The following PTPN4 variants were observed in gnomAD, a reference collection of about 807,000 sequenced individuals.
PTPN4 encodes protein tyrosine phosphatase non-receptor type 4, also known as tyrosine-protein phosphatase non-receptor type 4.
In PTPN4, 49 loss-of-function variants were observed where a neutral mutation model predicts 135.5. The observed-to-expected ratio is 0.36, with a 90% CI of 0.29 to 0.46. The LOEUF (loss-of-function observed/expected upper bound fraction) is 0.46, where lower values mean the gene tolerates loss of function less well. Ranked by LOEUF, PTPN4 falls within the 20% of genes least tolerant of loss-of-function variation. The probability of loss-of-function intolerance (pLI) is 1.00; values close to 1 mark genes in which losing one functional copy is unlikely to be tolerated. For synonymous variants in PTPN4, 333 were observed against 369.9 expected (o/e 0.90, Z 1.14); for missense variants, 860 against 1,101.0 (o/e 0.78, Z 3.10).
At chr2:119,866,469 A>G (rs1238696266) in intron 3 of PTPN4, among the ~76,000 whole-genome samples, 2 of 152,074 alleles carry the variant, frequency 1.3e-5, no homozygotes, top group Non-Finnish European at 2.9e-5. Flanking sequence ...TAAAATACAG[A>G]TTTCTGGGAC....
intron 9 of PTPN4, among the ~76,000 whole-genome samples, chr2:119,891,340 T>C (rs1228838403): frequency 6.6e-6 from 1 of 152,216 alleles, no homozygotes; most frequent in East Asian, 1.9e-4. Flanking sequence ...TGTTTGTTTT[T>C]GAGACGGAGT....
intron 1 of PTPN4, among the ~76,000 whole-genome samples, chr2:119,797,688 A>G (rs1234927715): frequency 1.3e-5 from 2 of 152,146 alleles, no homozygotes; most frequent in Non-Finnish European, 2.9e-5. Flanking sequence ...TTTAATCTCT[A>G]TTTATGGCAA....
intron 5 of PTPN4, among the ~76,000 whole-genome samples, chr2:119,878,764 C>T (rs969557942): frequency 6.8e-6 from 1 of 146,794 alleles, no homozygotes; most frequent in African/African-American, 2.5e-5. Context: ...CTAATGCTTG[C>T]AACTATTAGT....
At chr2:119,924,075 TG>T (rs1678778643) in intron 12 of PTPN4, among the ~76,000 whole-genome samples, 1 of 146,662 alleles carries the variant, frequency 6.8e-6, no homozygotes, top group Non-Finnish European at 1.5e-5. Flanking sequence ...AGGCAGAGCT[TG>T]CAGTGAGCCG....
intron 5 of PTPN4, among the ~76,000 whole-genome samples, chr2:119,879,617 C>T (rs952162394): frequency 6.6e-6 from 1 of 152,146 alleles, no homozygotes; most frequent in Non-Finnish European, 1.5e-5. Context: ...CATAGGCATG[C>T]ACAAGTTCCC....
At chr2:119,967,533 G>A (rs1463169695) in intron 25 of PTPN4, among the ~76,000 whole-genome samples, 1 of 151,766 alleles carries the variant, frequency 6.6e-6, no homozygotes, top group African/African-American at 2.4e-5. Flanking sequence ...CTATCATTTT[G>A]CATTTTAAGG....
At chr2:119,963,825 G>A (rs952196251) in intron 24 of PTPN4, among the ~76,000 whole-genome samples, 4 of 152,030 alleles carry the variant, frequency 2.6e-5, no homozygotes, top group Admixed American at 2.6e-4. Context: ...TGAAAGATAG[G>A]CTACGTATGT....
At chr2:119,803,799 T>G (rs567281764) in intron 1 of PTPN4, among the ~76,000 whole-genome samples, 53 of 152,230 alleles carry the variant, frequency 3.5e-4, no homozygotes, top group Admixed American at 7.9e-4. Flanking sequence ...AGTTTGACAG[T>G]TTTGCTTCAT....
chr2:119,804,356 T>C (rs1691428705), intron 1 of PTPN4, among the ~76,000 whole-genome samples: 1 of 152,158 alleles, frequency 6.6e-6, no homozygotes, highest in East Asian at 1.9e-4. Flanking sequence ...GGTATACATG[T>C]GCCATGTTTG....
At chr2:119,924,594 A>G (rs1574406840) in intron 12 of PTPN4, among the ~76,000 whole-genome samples, 1 of 152,180 alleles carries the variant, frequency 6.6e-6, no homozygotes, top group Non-Finnish European at 1.5e-5. Flanking sequence ...TAAGTATCTT[A>G]CTGTGAAAGT....
In PTPN4 at chr2:119,984,364, CTT is replaced by C. The variant is rs1679735103; in HGVS notation, c.*7295_*7296del. Among the ~76,000 whole-genome samples, 1 of 151,962 alleles carries C rather than the reference CTT, an allele frequency of 6.6e-6. No homozygotes were observed. Among genetic ancestry groups the C allele is most frequent in the Non-Finnish European group, 1.5e-5 (1 of 68,008 alleles). On this transcript the variant is annotated 3_prime_UTR_variant, in exon 27 of 27. Coordinates refer to ENST00000263708, the MANE Select transcript of PTPN4 (RefSeq NM_002830.4). ...AAAAGTCACTTAGTTAAAAGTCTAG[CTT>C]ATGTCATAATTAAGATACAATTATT...
chr2:119,920,507 A>G (rs1678721454), intron 12 of PTPN4, among the ~76,000 whole-genome samples: 1 of 152,232 alleles, frequency 6.6e-6, no homozygotes, highest in African/African-American at 2.4e-5. Flanking sequence ...CTTATTTACA[A>G]TAAAGACAGA....
At chr2:119,903,721 G>A (rs1327976925) in intron 10 of PTPN4, among the ~76,000 whole-genome samples, 3 of 152,040 alleles carry the variant, frequency 2.0e-5, no homozygotes, top group Non-Finnish European at 2.9e-5. Context: ...GACCCCAAGG[G>A]ATAGCCCACT....
At chr2:119,799,328 A>T (rs564177545) in intron 1 of PTPN4, among the ~76,000 whole-genome samples, 158 of 152,374 alleles carry the variant, frequency 1.0e-3, no homozygotes, top group Admixed American at 1.9e-3. Context: ...GAAATATTTT[A>T]TTGACAAACT....
chr2:119,948,129 T>G (rs1679163135), intron 18 of PTPN4, among the ~76,000 whole-genome samples: 2 of 152,080 alleles, frequency 1.3e-5, no homozygotes, highest in South Asian at 4.1e-4. Context: ...TAATCCAAAA[T>G]TATTTATTTT....
intron 1 of PTPN4, among the ~76,000 whole-genome samples, chr2:119,768,237 G>T (rs1690670103): frequency 6.6e-6 from 1 of 152,004 alleles, no homozygotes; most frequent in Non-Finnish European, 1.5e-5. Context: ...TCCTTGACCT[G>T]TCCCCCTCCT....
At chr2:119,897,530 T>A (rs1230694656) in intron 9 of PTPN4, among the ~76,000 whole-genome samples, 1 of 152,180 alleles carries the variant, frequency 6.6e-6, no homozygotes, top group African/African-American at 2.4e-5. Flanking sequence ...ACAATTCACA[T>A]ATCCTATAAT....
At chr2:119,910,526 G>A (rs1678555980) in intron 10 of PTPN4, among the ~76,000 whole-genome samples, 1 of 152,124 alleles carries the variant, frequency 6.6e-6, no homozygotes, top group Non-Finnish European at 1.5e-5. Context: ...TATTGATATG[G>A]TTTGGCTCTG....
rs766469857 is a variant in PTPN4 at position 119,948,245 on chromosome 2, CAG to C, written c.1656+1673_1656+1674del. Among the ~76,000 whole-genome samples the C allele has an allele frequency of 4.6e-5, 7 of 151,858 alleles. No homozygotes were observed. In the East Asian group the frequency reaches 7.7e-4, roughly 17 times the overall value. On this transcript the variant is annotated intron_variant, in intron 18 of 26. Transcript: ENST00000263708. ...CAAAGTTAATAGATAATATCTAAAA[CAG>C]AAAAGAATAACAATAGAGAGATGTT...
Sources: allele counts gnomAD v4.1 joint callset (sites outside exome capture counted in the v4.1 genomes callset), GRCh38; gene constraint gnomAD v4.1.1; transcripts MANE v1.5; gene names NCBI Gene and HGNC (gene_info 2026-07-23, HGNC 2026-07-21).